CNTNAP5: variants seen among roughly 807,000 people sequenced by gnomAD.
CNTNAP5 encodes the protein contactin-associated protein-like 5.
Under a neutral mutation model 150.2 loss-of-function variants are expected in CNTNAP5, and 72 were observed. The ratio of observed to expected loss-of-function variants is 0.48; its 90% CI spans 0.40 to 0.58. The LOEUF (loss-of-function observed/expected upper bound fraction) is 0.58. Among genes scored for constraint, CNTNAP5 ranks in the 20% least tolerant of loss-of-function variants. CNTNAP5 has a pLI of 0.00. For missense variants in CNTNAP5, 1,636 were observed against 1,626.2 expected, an observed-to-expected ratio of 1.01 and a Z score of -0.10; for synonymous variants, 672 against 619.8, an observed-to-expected ratio of 1.08 and a Z score of -1.25.
intron 19 of CNTNAP5, among the ~76,000 whole-genome samples, chr2:124,798,646 G>A (rs1681899914): frequency 6.6e-6 from 1 of 152,134 alleles, no homozygotes; most frequent in African/African-American, 2.4e-5. Context: ...ATTTCAGAAG[G>A]ACACTTGCCA....
intron 3 of CNTNAP5, among the ~76,000 whole-genome samples, chr2:124,371,746 T>A (rs1488916482): frequency 4.0e-5 from 6 of 151,418 alleles, no homozygotes; most frequent in African/African-American, 1.4e-4. Context: ...TAACATACTA[T>A]ACATAAATTC....
intron 1 of CNTNAP5, among the ~76,000 whole-genome samples, chr2:124,147,428 AG>A (rs1452196270): frequency 2.0e-5 from 3 of 152,240 alleles, no homozygotes; most frequent in Non-Finnish European, 4.4e-5. Flanking sequence ...AGAGAGTATT[AG>A]CCCACCTGAG....
chr2:124,602,338 C>CAAAAAAAAAAAAAAAAA (rs35316532), intron 11 of CNTNAP5, among the ~76,000 whole-genome samples: 1 of 89,794 alleles, frequency 1.1e-5, no homozygotes, highest in Non-Finnish European at 2.1e-5. Flanking sequence ...AAGACTTCAC[C>CAAAAAAAAAAAAAAAAA]AAAAAAAAAA....
chr2:124,627,730 A>G (rs1677758791), intron 12 of CNTNAP5, among the ~76,000 whole-genome samples: 1 of 152,206 alleles, frequency 6.6e-6, no homozygotes, highest in South Asian at 2.1e-4. Context: ...ATGAACTGAC[A>G]GAAATAGACT....
At chr2:124,249,309 A>T (rs1265353072) in intron 3 of CNTNAP5, among the ~76,000 whole-genome samples, 1 of 152,158 alleles carries the variant, frequency 6.6e-6, no homozygotes, top group African/African-American at 2.4e-5. Flanking sequence ...TTCTATAAAA[A>T]ATCTCCTTTC....
At position 124,702,346 on chromosome 2, in the gene CNTNAP5, C is replaced by CTTTTTTTTTTTTTTTTTTTTTTTT. The variant is rs71412792; in HGVS notation, c.2078-44856_2078-44833dup. ...ATGTCCTTCTGTGAAACTATGAACACTTTTTTTTTTTTTTTTTTTTTTTTT... is the reference window on the plus strand; with the variant it reads ...ATGTCCTTCTGTGAAACTATGAACACTTTTTTTTTTTTTTTTTTTTTTTTTTTTTTTTTTTTTTTTTTTTTTTTT... On this transcript the variant is annotated intron_variant, in intron 13 of 23. Transcript: ENST00000682447. Among the ~76,000 whole-genome samples the CTTTTTTTTTTTTTTTTTTTTTTTT allele has an allele frequency of 5.7e-5, 3 of 52,250 alleles. 1 individual carries two copies. Among genetic ancestry groups the CTTTTTTTTTTTTTTTTTTTTTTTT allele is most frequent in the Non-Finnish European group, 1.0e-4 (3 of 30,002 alleles). 34.3% of individuals were successfully genotyped at this position (52,250 alleles called of 152,430 possible). A position where few individuals can be genotyped will look rare whatever the true frequency, so the allele number is the denominator to read the frequency against.
intron 3 of CNTNAP5, among the ~76,000 whole-genome samples, chr2:124,399,632 C>T (rs1691352493): frequency 6.6e-6 from 1 of 151,938 alleles, no homozygotes; most frequent in African/African-American, 2.4e-5. Flanking sequence ...AGCTTATTCT[C>T]TGGTCAATTA....
chr2:124,657,283 TC>T (rs1678479826), intron 13 of CNTNAP5, among the ~76,000 whole-genome samples: 1 of 152,150 alleles, frequency 6.6e-6, no homozygotes, highest in Non-Finnish European at 1.5e-5. Context: ...TATGTTCCTC[TC>T]CCCATTTCTG....
At chr2:124,835,283 T>G (rs562895523) in intron 19 of CNTNAP5, among the ~76,000 whole-genome samples, 2 of 152,308 alleles carry the variant, frequency 1.3e-5, no homozygotes, top group East Asian at 3.9e-4. Flanking sequence ...TACTTCCCTT[T>G]TCCCCAAATG....
intron 1 of CNTNAP5, among the ~76,000 whole-genome samples, chr2:124,095,774 T>C (rs926490816): frequency 2.0e-5 from 3 of 152,206 alleles, no homozygotes; most frequent in Non-Finnish European, 2.9e-5. Context: ...ATCTTTTTTT[T>C]TCTTCTATTC....
At chr2:124,325,080 G>A (rs79412086) in intron 3 of CNTNAP5, among the ~76,000 whole-genome samples, 2,481 of 152,286 alleles carry the variant, frequency 0.016, 76 homozygotes, top group African/African-American at 0.057. Flanking sequence ...AACCCATAAT[G>A]TGATGGTTTT....
At chr2:124,601,939 G>T (rs1696994854) in intron 11 of CNTNAP5, among the ~76,000 whole-genome samples, 1 of 152,224 alleles carries the variant, frequency 6.6e-6, no homozygotes, top group South Asian at 2.1e-4. Flanking sequence ...GTGAGGAGAT[G>T]CTTTGGGGAG....
intron 1 of CNTNAP5, among the ~76,000 whole-genome samples, chr2:124,076,151 C>T (rs952329519): frequency 6.6e-6 from 1 of 152,096 alleles, no homozygotes; most frequent in African/African-American, 2.4e-5. Flanking sequence ...GATATTATAG[C>T]TTAACTTCAC....
rs548572329 is a variant in CNTNAP5 at position 124,620,592 on chromosome 2, A to G, written c.1876+10672A>G. Among the ~76,000 whole-genome samples the G allele has an allele frequency of 2.6e-5, 4 of 152,122 alleles. No homozygotes were observed. The South Asian group carries it at 8.3e-4, about 32-fold the overall frequency. ...TGGATAAATCATCTAATATTTCTAGATCTTGGTTTTTCTAGCTGGATGGCC... is the reference window on the plus strand; with the variant it reads ...TGGATAAATCATCTAATATTTCTAGGTCTTGGTTTTTCTAGCTGGATGGCC... On this transcript the variant is annotated intron_variant, in intron 12 of 23. Coordinates refer to ENST00000682447, the MANE Select transcript of CNTNAP5 (RefSeq NM_001367498.1).
intron 21 of CNTNAP5, among the ~76,000 whole-genome samples, chr2:124,872,627 A>C (rs2104728798): frequency 6.6e-6 from 1 of 151,894 alleles, no homozygotes; most frequent in South Asian, 2.1e-4. Flanking sequence ...CCTGAATGAG[A>C]TCAGTCTTCT....
intron 12 of CNTNAP5, among the ~76,000 whole-genome samples, chr2:124,619,212 G>C (rs1427005093): frequency 6.6e-6 from 1 of 152,154 alleles, no homozygotes; most frequent in Admixed American, 6.5e-5. Context: ...GGTAGGGAAA[G>C]ATGCATTTGA....
At chr2:124,446,347 A>G (rs1249304786) in intron 5 of CNTNAP5, among the ~76,000 whole-genome samples, 1 of 152,110 alleles carries the variant, frequency 6.6e-6, no homozygotes, top group African/African-American at 2.4e-5. Context: ...TCTTCCCTTT[A>G]CGTATCCCAG....
intron 10 of CNTNAP5, among the ~76,000 whole-genome samples, chr2:124,543,805 C>G (rs1022724220): frequency 1.3e-5 from 2 of 152,254 alleles, no homozygotes; most frequent in East Asian, 3.9e-4. Context: ...CAAATGCCAT[C>G]TAAAGCCTCT....
intron 3 of CNTNAP5, among the ~76,000 whole-genome samples, chr2:124,358,913 G>A (rs1300902647): frequency 4.7e-5 from 7 of 148,910 alleles, no homozygotes; most frequent in Admixed American, 2.0e-4. Context: ...GGTAGAATTC[G>A]GCTGTGAATC....
Sources: allele counts gnomAD v4.1 joint callset (sites outside exome capture counted in the v4.1 genomes callset), GRCh38; gene constraint gnomAD v4.1.1; transcripts MANE v1.5; gene names NCBI Gene and HGNC (gene_info 2026-07-23, HGNC 2026-07-21).